The following STK32B variants were observed in gnomAD, a reference collection of about 807,000 sequenced individuals.
The protein encoded by STK32B is serine/threonine kinase 32B, also known as serine/threonine-protein kinase 32B.
STK32B carries 43 observed loss-of-function variants against 52.6 expected under a neutral mutation model. The ratio of observed to expected loss-of-function variants is 0.82; its 90% CI spans 0.64 to 1.05. The LOEUF (loss-of-function observed/expected upper bound fraction) is 1.05. Ranked by LOEUF, STK32B falls within the 50% of genes least tolerant of loss-of-function variation. STK32B has a pLI of 0.00. For missense variants in STK32B, 621 were observed against 534.6 expected, an observed-to-expected ratio of 1.16 and a Z score of -1.59; for synonymous variants, 238 against 204.3, an observed-to-expected ratio of 1.17 and a Z score of -1.41.
chr4:5,158,730 C>T (rs1222074333), intron 2 of STK32B, among the ~76,000 whole-genome samples: 1 of 152,140 alleles, frequency 6.6e-6, no homozygotes, highest in Non-Finnish European at 1.5e-5. Context: ...TTGCAGATGC[C>T]ATCTTCTCCC....
intron 2 of STK32B, among the ~76,000 whole-genome samples, chr4:5,147,093 G>A (rs550706318): frequency 6.6e-6 from 1 of 152,082 alleles, no homozygotes; most frequent in Non-Finnish European, 1.5e-5. Context: ...GTCTATTTTA[G>A]TGATGTTTTG....
At chr4:5,168,485 C>G in intron 3 of STK32B, 35 bp downstream of exon 3, 2 of 1,587,662 alleles carry the variant, frequency 1.3e-6, no homozygotes, top group East Asian at 2.3e-5. Context: ...CCTGTGGGTT[C>G]CCCTGTGGGG....
At chr4:5,338,580 C>T (rs1036991087) in intron 4 of STK32B, among the ~76,000 whole-genome samples, 2 of 152,074 alleles carry the variant, frequency 1.3e-5, no homozygotes, top group Admixed American at 6.6e-5. Flanking sequence ...GACACTAAGT[C>T]ATGTGGACAT....
intron 6 of STK32B, among the ~76,000 whole-genome samples, chr4:5,435,070 G>A (rs1302988628): frequency 2.6e-5 from 4 of 152,150 alleles, no homozygotes; most frequent in African/African-American, 9.7e-5. Context: ...AGACTGACAT[G>A]TGGAGGCATC....
intron 3 of STK32B, among the ~76,000 whole-genome samples, chr4:5,254,568 T>C (rs57920859): frequency 0.012 from 1,898 of 152,312 alleles, 41 homozygotes; most frequent in African/African-American, 0.036. Context: ...ATATGCCATG[T>C]ATTCATTATA....
intron 11 of STK32B, among the ~76,000 whole-genome samples, chr4:5,496,279 A>G (rs1031348929): frequency 3.3e-5 from 5 of 152,308 alleles, no homozygotes; most frequent in East Asian, 1.9e-4. Context: ...AGCCTGGGCA[A>G]TGGCGGGCGC....
intron 3 of STK32B, among the ~76,000 whole-genome samples, chr4:5,211,351 G>A (rs962575144): frequency 2.6e-5 from 4 of 152,232 alleles, no homozygotes; most frequent in African/African-American, 7.2e-5. Flanking sequence ...TTCTGGGAGA[G>A]AGAAATAGGG....
chr4:5,435,985 A>G (rs969718953), intron 6 of STK32B: 2 of 152,284 alleles, frequency 1.3e-5, no homozygotes, highest in African/African-American at 4.8e-5. Context: ...TGAGTTGGGA[A>G]AGAGTGTCAG....
chr4:5,167,787 C>T (rs1056570249), intron 2 of STK32B, among the ~76,000 whole-genome samples: 35 of 152,184 alleles, frequency 2.3e-4, no homozygotes, highest in Non-Finnish European at 2.9e-4. Context: ...TGGTCTGCTA[C>T]ATGGGCAGCA....
At chr4:5,057,472 C>G (rs1489827770) in intron 1 of STK32B, among the ~76,000 whole-genome samples, 3 of 152,186 alleles carry the variant, frequency 2.0e-5, no homozygotes, top group Non-Finnish European at 4.4e-5. Context: ...CAGGATGTCA[C>G]CACTCTTCCC....
intron 1 of STK32B, among the ~76,000 whole-genome samples, chr4:5,061,293 T>C (rs1190870513): frequency 1.3e-5 from 2 of 152,190 alleles, no homozygotes; most frequent in Non-Finnish European, 2.9e-5. Flanking sequence ...CTTCTTAATG[T>C]TATTCATTGT....
intron 5 of STK32B, among the ~76,000 whole-genome samples, chr4:5,406,259 C>T (rs1290482145): frequency 1.3e-5 from 2 of 152,214 alleles, no homozygotes; most frequent in Non-Finnish European, 2.9e-5. Flanking sequence ...TTGGGCATCT[C>T]TGCCCGTGTT....
intron 3 of STK32B, among the ~76,000 whole-genome samples, chr4:5,241,334 A>G (rs1481493021): frequency 6.6e-6 from 1 of 152,152 alleles, no homozygotes; most frequent in Non-Finnish European, 1.5e-5. Flanking sequence ...TGCCCCATGT[A>G]CCATTATTTT....
chr4:5,404,310 G>A (rs1577452052), intron 5 of STK32B, among the ~76,000 whole-genome samples: 1 of 152,104 alleles, frequency 6.6e-6, no homozygotes, highest in African/African-American at 2.4e-5. Context: ...TTCTTGGCTT[G>A]TGGCAGCATA....
chr4:5,240,770 A>T (rs1402530319), intron 3 of STK32B, among the ~76,000 whole-genome samples: 1 of 152,146 alleles, frequency 6.6e-6, no homozygotes, highest in Non-Finnish European at 1.5e-5. Context: ...TAATACAGTC[A>T]AATGTATCAA....
At chr4:5,100,724 T>G in intron 1 of STK32B, among the ~76,000 whole-genome samples, 1 of 93,914 alleles carries the variant, frequency 1.1e-5, no homozygotes. Context: ...CTTCCCTCCT[T>G]CCCTTCTTCC....
chr4:5,199,235 A>G (rs1020540885), intron 3 of STK32B, among the ~76,000 whole-genome samples: 1 of 152,234 alleles, frequency 6.6e-6, no homozygotes, highest in African/African-American at 2.4e-5. Context: ...TTGTTTGTAC[A>G]GAAGCAAGCC....
rs144198580 is a variant in STK32B at position 5,172,930 on chromosome 4, G to A, written c.260+4480G>A. ...TCTAGTAGAATTCGGCTGTGAATCC[G>A]TCTGGTCCTGGAATTTTTTTAGTTG... On this transcript the variant is annotated intron_variant, in intron 3 of 11. Transcript: ENST00000282908. 2.6e-3 allele frequency among the ~76,000 whole-genome samples: 395 copies of A among 152,198 alleles called. 7 individuals carry two copies. The East Asian group carries it at 0.054, about 21-fold the overall frequency.
At chr4:5,427,863 G>C (rs540323018) in intron 6 of STK32B, among the ~76,000 whole-genome samples, 11 of 151,348 alleles carry the variant, frequency 7.3e-5, no homozygotes, top group South Asian at 2.1e-4. Context: ...TTGCTTTATT[G>C]ATTTTCTCTA....
Sources: allele counts gnomAD v4.1 joint callset (sites outside exome capture counted in the v4.1 genomes callset), GRCh38; gene constraint gnomAD v4.1.1; transcripts MANE v1.5; gene names NCBI Gene and HGNC (gene_info 2026-07-23, HGNC 2026-07-21).